MIS18BP1: variants seen among roughly 807,000 people sequenced by gnomAD.
The protein encoded by MIS18BP1 is MIS18 binding protein 1.
Under a neutral mutation model 116.1 loss-of-function variants are expected in MIS18BP1, and 72 were observed. The ratio of observed to expected loss-of-function variants is 0.62; its 90% CI spans 0.51 to 0.75. MIS18BP1 has a LOEUF of 0.75. MIS18BP1 is among the 30% of genes least tolerant of loss of function. The probability of loss-of-function intolerance (pLI) is 0.00; values close to 1 mark genes in which losing one functional copy is unlikely to be tolerated. For missense variants in MIS18BP1, 1,363 were observed against 1,303.2 expected (o/e 1.05, Z -0.71); for synonymous variants, 386 against 427.0 (o/e 0.90, Z 1.18).
At chr14:45,210,870 T>C (rs764618868) in intron 13 of MIS18BP1, among the ~76,000 whole-genome samples, 1 of 152,192 alleles carries the variant, frequency 6.6e-6, no homozygotes, top group Non-Finnish European at 1.5e-5. Context: ...CTATGGTATA[T>C]AAACCCTGGG....
chr14:45,232,396 G>A (rs1215266709), intron 7 of MIS18BP1: 22 of 214,764 alleles, frequency 1.0e-4, no homozygotes, highest in African/African-American at 5.0e-4. Context: ...CAGCCTGGGC[G>A]ACAGAGCCAG....
intron 1 of MIS18BP1, among the ~76,000 whole-genome samples, chr14:45,252,326 T>G (rs1463315771): frequency 6.6e-6 from 1 of 152,212 alleles, no homozygotes; most frequent in African/African-American, 2.4e-5. Context: ...ATATATGTAC[T>G]TATATGGAAA....
intron 4 of MIS18BP1, among the ~76,000 whole-genome samples, chr14:45,241,004 T>C (rs548298238): frequency 1.1e-4 from 16 of 152,228 alleles, no homozygotes; most frequent in East Asian, 1.9e-4. Context: ...ATAACTGGTA[T>C]GTCACTCTTT....
intron 12 of MIS18BP1, 105 bp downstream of exon 12, chr14:45,218,176 GA>G: frequency 4.1e-6 from 5 of 1,233,318 alleles, no homozygotes; most frequent in Non-Finnish European, 4.5e-6. Flanking sequence ...AAAATTTTAA[GA>G]AAATACCTAT....
chr14:45,236,518 TTAGA>T (rs1395226412), intron 5 of MIS18BP1, among the ~76,000 whole-genome samples: 1 of 152,194 alleles, frequency 6.6e-6, no homozygotes, highest in African/African-American at 2.4e-5. Context: ...TGAAGATGTA[TTAGA>T]TAAATGATGA....
At chr14:45,233,191 C>G (rs1251177202) in intron 6 of MIS18BP1, among the ~76,000 whole-genome samples, 1 of 152,036 alleles carries the variant, frequency 6.6e-6, no homozygotes, top group Non-Finnish European at 1.5e-5. Flanking sequence ...AGTGATTGAG[C>G]TATGTGGCAA....
intron 7 of MIS18BP1, 182 bp from the exon 8 acceptor site, chr14:45,231,480 G>A (rs1891277478): frequency 2.0e-6 from 1 of 506,096 alleles, no homozygotes; most frequent in Non-Finnish European, 3.4e-6. Context: ...AAGAACTGAG[G>A]TGTAACATCT....
At chr14:45,210,246 T>C in intron 14 of MIS18BP1, 134 bp downstream of exon 14, 1 of 928,302 alleles carries the variant, frequency 1.1e-6, no homozygotes, top group Non-Finnish European at 1.6e-6. Flanking sequence ...CCTTAACTTC[T>C]AGAAACTACA....
chr14:45,230,055 T>C (rs541293524), intron 8 of MIS18BP1, among the ~76,000 whole-genome samples: 21 of 152,312 alleles, frequency 1.4e-4, no homozygotes, highest in African/African-American at 5.1e-4. Flanking sequence ...GTGGTTAGAA[T>C]AGGATACAGG....
chr14:45,214,019 G>A (rs1890746063), intron 13 of MIS18BP1, among the ~76,000 whole-genome samples: 1 of 152,180 alleles, frequency 6.6e-6, no homozygotes, highest in Non-Finnish European at 1.5e-5. Context: ...CACTGCAGAA[G>A]GCCACAGGGA....
intron 8 of MIS18BP1, among the ~76,000 whole-genome samples, chr14:45,228,490 T>G (rs1308696132): frequency 6.6e-6 from 1 of 152,202 alleles, no homozygotes; most frequent in African/African-American, 2.4e-5. Flanking sequence ...TCTTCATGTA[T>G]GTAGAATTAT....
At chr14:45,231,052 T>G (rs773059468) in intron 8 of MIS18BP1, 89 bp downstream of exon 8, 49 of 1,364,020 alleles carry the variant, frequency 3.6e-5, no homozygotes, top group Non-Finnish European at 4.3e-5. Context: ...CTATACACAT[T>G]ACTACTATAC....
chr14:45,221,402 A>G (rs570733259), intron 11 of MIS18BP1, among the ~76,000 whole-genome samples: 8 of 152,234 alleles, frequency 5.3e-5, no homozygotes, highest in Non-Finnish European at 8.8e-5. Context: ...GCGCCACTTC[A>G]CTCCAGCCTG....
chr14:45,213,190 C>CA (rs1178634420), intron 13 of MIS18BP1, among the ~76,000 whole-genome samples: 1 of 152,170 alleles, frequency 6.6e-6, no homozygotes, highest in African/African-American at 2.4e-5. Flanking sequence ...AGGCATAAGC[C>CA]AGCACACCCG....
intron 8 of MIS18BP1, among the ~76,000 whole-genome samples, chr14:45,228,778 G>C (rs963736620): frequency 1.3e-5 from 2 of 152,040 alleles, no homozygotes; most frequent in Admixed American, 1.3e-4. Context: ...ATATACTCTG[G>C]TAAGTGTAAT....
chr14:45,219,647 C>G (rs1890919560), intron 11 of MIS18BP1, among the ~76,000 whole-genome samples: 1 of 152,190 alleles, frequency 6.6e-6, no homozygotes, highest in South Asian at 2.1e-4. Context: ...TTGTGAACAG[C>G]TACCAGCTGA....
At position 45,242,072 on chromosome 14, in the gene MIS18BP1, T is replaced by C. The variant is rs778457447; in HGVS notation, c.1105A>G (p.Ile369Val). 6.2e-6 allele frequency: 10 copies of C among 1,613,034 alleles called. No homozygotes were observed. In the East Asian group the frequency reaches 2.0e-4, roughly 32 times the overall value. The change falls in exon 4 of 17, where the codon ATA becomes GTA. Residue 369 changes from isoleucine to valine, a missense_variant. Transcript: ENST00000310806. ...RNISKLSPPR[I>V]FQTVTNGLKK... The stretch of plus-strand genomic sequence containing the variant: ...AGTCCATTTGTAACAGTTTGAAATA[T>C]TCTTGGAGGAGAAAGCTTTGAAATA...
At chr14:45,250,703 T>C (rs968612930) in intron 1 of MIS18BP1, among the ~76,000 whole-genome samples, 18 of 152,156 alleles carry the variant, frequency 1.2e-4, no homozygotes, top group African/African-American at 3.4e-4. Context: ...CATAAAGACA[T>C]GGGAATGGGA....
intron 11 of MIS18BP1, among the ~76,000 whole-genome samples, chr14:45,222,538 CATT>C (rs1014179316): frequency 8.5e-5 from 13 of 152,184 alleles, no homozygotes; most frequent in Admixed American, 6.5e-4. Flanking sequence ...AGTCTACTAT[CATT>C]GTTGTTTCAA....
Sources: allele counts gnomAD v4.1 joint callset (sites outside exome capture counted in the v4.1 genomes callset), GRCh38; gene constraint gnomAD v4.1.1; transcripts MANE v1.5; gene names NCBI Gene and HGNC (gene_info 2026-07-23, HGNC 2026-07-21).